Variants in TEX9 observed in about 807,000 individuals in gnomAD.
TEX9 encodes the protein testis-expressed protein 9.
Under a neutral mutation model 59.6 loss-of-function variants are expected in TEX9, and 74 were observed. That is an observed-to-expected ratio of 1.24 (90% CI 1.03 to 1.51). The LOEUF is 1.51. Among genes scored for constraint, TEX9 ranks in the 40% most tolerant of loss-of-function variants. TEX9 has a pLI of 0.00. For synonymous variants in TEX9, 186 were observed against 152.2 expected (o/e 1.22, Z -1.64); for missense variants, 522 against 447.8 (o/e 1.17, Z -1.49).
chr15:56,410,317 C>G (rs2049285897), intron 9 of TEX9: 1 of 152,170 alleles, frequency 6.6e-6, no homozygotes. Flanking sequence ...ATTTTGTCCT[C>G]TGCTGTGGCT....
At chr15:56,297,981 C>G (rs1449840409) in intron 1 of TEX9, among the ~76,000 whole-genome samples, 1 of 152,174 alleles carries the variant, frequency 6.6e-6, no homozygotes, top group South Asian at 2.1e-4. Flanking sequence ...AGCATGAATA[C>G]TGAATGTGTG....
chr15:56,328,232 T>C (rs1249938939), intron 1 of TEX9, among the ~76,000 whole-genome samples: 3 of 151,950 alleles, frequency 2.0e-5, no homozygotes, highest in African/African-American at 7.2e-5. Context: ...AGACACACCC[T>C]GGGCCAAAAC....
chr15:56,352,491 G>A (rs992483138), intron 1 of TEX9, among the ~76,000 whole-genome samples: 2 of 151,848 alleles, frequency 1.3e-5, no homozygotes, highest in Non-Finnish European at 2.9e-5. Flanking sequence ...GACCTCAGGC[G>A]ATCCGCTCGT....
chr15:56,421,623 T>C (rs1364861527), intron 10 of TEX9: 2 of 151,764 alleles, frequency 1.3e-5, no homozygotes, highest in Non-Finnish European at 2.9e-5. Flanking sequence ...CTTTGCTTTT[T>C]AAAAAAATCC....
At chr15:56,379,797 C>G (rs986226834) in intron 3 of TEX9, among the ~76,000 whole-genome samples, 2 of 150,512 alleles carry the variant, frequency 1.3e-5, no homozygotes, top group Non-Finnish European at 3.0e-5. Context: ...TAATGACCTT[C>G]TTTGTCTCTT....
intron 1 of TEX9, among the ~76,000 whole-genome samples, chr15:56,289,067 G>A (rs2045023528): frequency 6.6e-6 from 1 of 152,082 alleles, no homozygotes; most frequent in Admixed American, 6.6e-5. Context: ...GTTCTTGTCT[G>A]ATTTTTAAAA....
intron 1 of TEX9, among the ~76,000 whole-genome samples, chr15:56,263,020 GT>G (rs1231431083): frequency 6.6e-6 from 1 of 151,700 alleles, no homozygotes; most frequent in South Asian, 2.1e-4. Flanking sequence ...ACACGTGGCT[GT>G]TTTTTTTGTT....
At chr15:56,273,599 T>G (rs1037048559) in intron 1 of TEX9, among the ~76,000 whole-genome samples, 1 of 152,070 alleles carries the variant, frequency 6.6e-6, no homozygotes, top group African/African-American at 2.4e-5. Context: ...GATTTAAATT[T>G]CTGTCTAGCT....
intron 1 of TEX9, among the ~76,000 whole-genome samples, chr15:56,313,267 A>C (rs1352192465): frequency 9.7e-5 from 2 of 20,626 alleles, no homozygotes; most frequent in African/African-American, 1.8e-4. Context: ...ATTCAGTATG[A>C]TATTGGCTGT....
At chr15:56,262,188 A>G (rs1321503021) in intron 1 of TEX9, among the ~76,000 whole-genome samples, 1 of 152,246 alleles carries the variant, frequency 6.6e-6, no homozygotes, top group East Asian at 1.9e-4. Flanking sequence ...CTGTAATGAC[A>G]AAGTTCCAGC....
In TEX9 at chr15:56,442,955, C is replaced by G. The variant is rs558120614; in HGVS notation, c.*30-2716C>G. On this transcript the variant is annotated intron_variant, in intron 12 of 12. Coordinates refer to ENST00000352903, the Ensembl canonical transcript of TEX9. ...ACTCTGATTGTGGATTTGCCTCTTT[C>G]TCCTTTCAGTTTTTGTCAGTTTTGC... Among the ~76,000 whole-genome samples, 167 of 151,670 alleles carry G rather than the reference C, an allele frequency of 1.1e-3. 1 individual carries two copies. Among genetic ancestry groups the G allele is most frequent in the African/African-American group, 3.7e-3 (153 of 41,418 alleles).
At chr15:56,436,405 C>T (rs2050725548) in intron 12 of TEX9, among the ~76,000 whole-genome samples, 1 of 152,038 alleles carries the variant, frequency 6.6e-6, no homozygotes, top group African/African-American at 2.4e-5. Flanking sequence ...TCTTTGAAAC[C>T]AATGAGAACA....
intron 1 of TEX9, among the ~76,000 whole-genome samples, chr15:56,349,588 CA>C (rs1567094490): frequency 6.6e-6 from 1 of 152,040 alleles, no homozygotes; most frequent in East Asian, 1.9e-4. Flanking sequence ...ATAGGAAACC[CA>C]CACCCTGCTA....
chr15:56,396,390 C>G (rs2073887176), intron 9 of TEX9: 1 of 152,016 alleles, frequency 6.6e-6, no homozygotes, highest in South Asian at 2.1e-4. Context: ...ATATAACTAT[C>G]ACTATAATTG....
At chr15:56,250,215 TA>T (rs1204480423) in intron 1 of TEX9, among the ~76,000 whole-genome samples, 1 of 152,142 alleles carries the variant, frequency 6.6e-6, no homozygotes, top group Non-Finnish European at 1.5e-5. Flanking sequence ...GGATGCTATA[TA>T]AAAAAGACAC....
chr15:56,354,598 G>A (rs188442624), intron 1 of TEX9, among the ~76,000 whole-genome samples: 1 of 152,248 alleles, frequency 6.6e-6, no homozygotes, highest in African/African-American at 2.4e-5. Context: ...TTTAAACCTT[G>A]TTCCCTTCTA....
chr15:56,405,955 A>G (rs1365004668), intron 9 of TEX9, among the ~76,000 whole-genome samples: 1 of 152,182 alleles, frequency 6.6e-6, no homozygotes, highest in Non-Finnish European at 1.5e-5. Flanking sequence ...AACTTTATTG[A>G]AGAATAACAA....
chr15:56,248,211 A>G (rs1428339263), intron 1 of TEX9, among the ~76,000 whole-genome samples: 1 of 152,186 alleles, frequency 6.6e-6, no homozygotes, highest in Non-Finnish European at 1.5e-5. Context: ...AGAAGAGGGA[A>G]GTTGGGGGGT....
At chr15:56,415,626 G>A (rs1455296458) in intron 10 of TEX9, among the ~76,000 whole-genome samples, 3 of 151,800 alleles carry the variant, frequency 2.0e-5, no homozygotes, top group Non-Finnish European at 4.4e-5. Flanking sequence ...TGTACCATGT[G>A]CTGTTTTGGT....
Sources: allele counts gnomAD v4.1 joint callset (sites outside exome capture counted in the v4.1 genomes callset), GRCh38; gene constraint gnomAD v4.1.1; transcripts MANE v1.5; gene names NCBI Gene and HGNC (gene_info 2026-07-23, HGNC 2026-07-21).